Variants in FOXP2 observed in about 807,000 individuals in gnomAD.
FOXP2 encodes the protein forkhead box P2, also known as forkhead box protein P2.
In FOXP2, 12 loss-of-function variants were observed where a neutral mutation model predicts 115.8. That is an observed-to-expected ratio of 0.10 (90% CI 0.07 to 0.17). The LOEUF (loss-of-function observed/expected upper bound fraction) is 0.17, where lower values mean the gene tolerates loss of function less well. Ranked by LOEUF, FOXP2 falls within the 10% of genes least tolerant of loss-of-function variation. The pLI, the probability that FOXP2 is intolerant of heterozygous loss-of-function variation, is 1.00. For missense variants in FOXP2, 629 were observed against 843.5 expected (o/e 0.75, Z 3.15); for synonymous variants, 328 against 297.7 (o/e 1.10, Z -1.05).
Position 114,214,327 on chromosome 7 carries a change from T to C in FOXP2, c.-102+51239T>C, listed in dbSNP as rs557582688. Among the ~76,000 whole-genome samples the C allele has an allele frequency of 1.5e-3, 222 of 152,290 alleles. 1 individual carries two copies. Among genetic ancestry groups the C allele is most frequent in the Admixed American group, 2.6e-3 (40 of 15,298 alleles). ...ATACAGCACACAAGTGGACACATTTTTATCCCTAAAATTATGACTTAAACA... is the reference window on the plus strand; with the variant it reads ...ATACAGCACACAAGTGGACACATTTCTATCCCTAAAATTATGACTTAAACA... On this transcript the variant is annotated intron_variant, in intron 1 of 17. Transcript: ENST00000634411.
chr7:114,596,771 A>G (rs969161287), intron 3 of FOXP2, among the ~76,000 whole-genome samples: 2 of 152,022 alleles, frequency 1.3e-5, no homozygotes, highest in African/African-American at 2.4e-5. Context: ...CAGAAACTAT[A>G]CATTAGGATG....
At chr7:114,662,267 G>T in intron 14 of FOXP2, 81 bp downstream of exon 14, 1 of 1,582,274 alleles carries the variant, frequency 6.3e-7, no homozygotes, top group Non-Finnish European at 8.7e-7. Context: ...CTGGGGTGGG[G>T]AGACAGTTAG....
Position 114,396,008 on chromosome 7 carries a change from T to C in FOXP2, c.-10-30494T>C, listed in dbSNP as rs563195079. Among the ~76,000 whole-genome samples the C allele has an allele frequency of 5.9e-5, 9 of 152,248 alleles. No individual in the cohort carries two copies. The East Asian group carries it at 1.5e-3, about 26-fold the overall frequency. On this transcript the variant is annotated intron_variant, in intron 2 of 17. Coordinates refer to the FOXP2 transcript ENST00000634411. ...ACTCAAACATTTATCCTTTGTGTTA[T>C]AAACAATCCAATTATATTCTTTTAG...
chr7:114,328,748 T>G (rs188993113), intron 2 of FOXP2, among the ~76,000 whole-genome samples: 3 of 152,360 alleles, frequency 2.0e-5, no homozygotes, highest in East Asian at 3.9e-4. Context: ...ATACTTGTTA[T>G]TGCTCCTTGT....
chr7:114,190,987 CAGA>C (rs999779108), intron 1 of FOXP2, among the ~76,000 whole-genome samples: 3 of 152,058 alleles, frequency 2.0e-5, no homozygotes, highest in African/African-American at 7.2e-5. Flanking sequence ...ACCTAGTCCC[CAGA>C]AGATCTGGGG....
chr7:114,578,690 A>G (rs1801694168), intron 3 of FOXP2, among the ~76,000 whole-genome samples: 1 of 152,162 alleles, frequency 6.6e-6, no homozygotes, highest in African/African-American at 2.4e-5. Context: ...GATGGATATC[A>G]TGATTACTTT....
chr7:114,614,673 G>A (rs13227011), intron 3 of FOXP2, among the ~76,000 whole-genome samples: 12,523 of 152,014 alleles, frequency 0.082, 1,094 homozygotes, highest in East Asian at 0.38. Flanking sequence ...AACATACGGA[G>A]CAAAGTAACA....
chr7:114,420,437 C>A (rs1318577717), intron 1 of FOXP2, among the ~76,000 whole-genome samples: 1 of 151,846 alleles, frequency 6.6e-6, no homozygotes. Context: ...GTTTCCTAAA[C>A]GAAAATATTC....
intron 2 of FOXP2, among the ~76,000 whole-genome samples, chr7:114,500,047 C>G (rs1419717731): frequency 6.6e-6 from 1 of 151,828 alleles, no homozygotes; most frequent in African/African-American, 2.4e-5. Context: ...AACCCCGTCT[C>G]CACTAAAAAT....
At chr7:114,549,677 G>C (rs576289231) in intron 3 of FOXP2, among the ~76,000 whole-genome samples, 6 of 152,006 alleles carry the variant, frequency 3.9e-5, no homozygotes, top group Non-Finnish European at 7.4e-5. Flanking sequence ...CTCATAATAG[G>C]TCTTGCATGC....
At chr7:114,109,960 G>A (rs1791220929) in intron 1 of FOXP2, among the ~76,000 whole-genome samples, 1 of 152,086 alleles carries the variant, frequency 6.6e-6, no homozygotes, top group African/African-American at 2.4e-5. Flanking sequence ...AGAAAGTGAA[G>A]TAAGTAATCT....
chr7:114,274,894 A>G (rs2129173810), intron 1 of FOXP2, among the ~76,000 whole-genome samples: 1 of 151,866 alleles, frequency 6.6e-6, no homozygotes, highest in South Asian at 2.1e-4. Flanking sequence ...GTCTCAAGCA[A>G]TCCGCTCACC....
chr7:114,098,828 C>T (rs559955502), intron 1 of FOXP2, among the ~76,000 whole-genome samples: 1 of 152,086 alleles, frequency 6.6e-6, no homozygotes, highest in South Asian at 2.1e-4. Flanking sequence ...GGTTAATATC[C>T]AAAATTTTAA....
chr7:114,497,307 G>T (rs1584810029), intron 2 of FOXP2, among the ~76,000 whole-genome samples: 1 of 152,080 alleles, frequency 6.6e-6, no homozygotes, highest in South Asian at 2.1e-4. Context: ...TTAAAATTTT[G>T]GGGTCGAATA....
At chr7:114,286,575 A>G (rs972663999) in intron 1 of FOXP2, among the ~76,000 whole-genome samples, 6 of 152,050 alleles carry the variant, frequency 3.9e-5, no homozygotes, top group African/African-American at 1.2e-4. Flanking sequence ...TGGAAGAAAA[A>G]TTAACATAAG....
At chr7:114,438,002 T>G (rs1794429715) in intron 2 of FOXP2, among the ~76,000 whole-genome samples, 2 of 152,232 alleles carry the variant, frequency 1.3e-5, no homozygotes, top group South Asian at 4.1e-4. Context: ...TGTTTATAAC[T>G]GATTACATTA....
intron 2 of FOXP2, among the ~76,000 whole-genome samples, chr7:114,370,069 T>C (rs1222814797): frequency 2.0e-5 from 3 of 152,232 alleles, no homozygotes; most frequent in Non-Finnish European, 4.4e-5. Flanking sequence ...TGTTCAAAAT[T>C]TAAAGTATTG....
intron 1 of FOXP2, among the ~76,000 whole-genome samples, chr7:114,286,656 T>C (rs1301889220): frequency 2.0e-5 from 3 of 151,918 alleles, no homozygotes; most frequent in South Asian, 2.1e-4. Context: ...ACAGAACCAA[T>C]AGAGAAAGAA....
intron 3 of FOXP2, among the ~76,000 whole-genome samples, chr7:114,609,424 G>A (rs903711819): frequency 2.6e-5 from 4 of 152,210 alleles, no homozygotes; most frequent in Non-Finnish European, 5.9e-5. Flanking sequence ...ATAAAGAAAT[G>A]AGAAAATAGT....
Sources: gnomAD v4.1 joint callset for allele counts (sites outside exome capture counted in the v4.1 genomes callset) on GRCh38, gnomAD v4.1.1 for gene constraint, MANE v1.5 for transcripts, NCBI Gene and HGNC (gene_info 2026-07-23, HGNC 2026-07-21) for gene names.